Variants in PIWIL4 observed in about 807,000 individuals in gnomAD.
PIWIL4 encodes piwi like RNA-mediated gene silencing 4, also known as piwi-like protein 4.
A neutral mutation model predicts 100.9 loss-of-function variants in PIWIL4; 50 were observed. That is an observed-to-expected ratio of 0.50 (90% CI 0.39 to 0.63). The LOEUF is 0.63. Among genes scored for constraint, PIWIL4 ranks in the 20% least tolerant of loss-of-function variants. The probability of loss-of-function intolerance (pLI) is 0.00; values close to 1 mark genes in which losing one functional copy is unlikely to be tolerated. For synonymous variants in PIWIL4, 342 were observed against 367.5 expected, an observed-to-expected ratio of 0.93 and a Z score of 0.79; for missense variants, 887 against 1,043.3, an observed-to-expected ratio of 0.85 and a Z score of 2.06.
At chr11:94,607,916 C>T (rs560250627) in intron 14 of PIWIL4, among the ~76,000 whole-genome samples, 123 of 152,286 alleles carry the variant, frequency 8.1e-4, no homozygotes, top group African/African-American at 2.8e-3. Context: ...TCCACATTTA[C>T]TTGCTTTCAT....
At chr11:94,604,875 T>G (rs1948694545) in intron 13 of PIWIL4, among the ~76,000 whole-genome samples, 1 of 152,208 alleles carries the variant, frequency 6.6e-6, no homozygotes. Context: ...AGTTTCTCTT[T>G]TACTCTAAAG....
At chr11:94,595,474 T>C in intron 10 of PIWIL4, 48 bp downstream of exon 10, 1 of 1,398,248 alleles carries the variant, frequency 7.2e-7, no homozygotes, top group South Asian at 1.2e-5. Flanking sequence ...TTTTTAGTAT[T>C]AGATGGCCTA....
At chr11:94,594,402 G>A (rs1948526929) in intron 9 of PIWIL4, among the ~76,000 whole-genome samples, 1 of 151,322 alleles carries the variant, frequency 6.6e-6, no homozygotes, top group East Asian at 2.0e-4. Context: ...AGAGGCGGAG[G>A]TTGCAGTGAG....
chr11:94,575,238 T>A, intron 3 of PIWIL4, 108 bp downstream of exon 3: 1 of 1,159,918 alleles, frequency 8.6e-7, no homozygotes, highest in South Asian at 1.5e-5. Flanking sequence ...TTAACAGATA[T>A]TTACTGATTG....
At chr11:94,616,403 T>A in intron 15 of PIWIL4, 90 bp from the exon 16 acceptor site, 1 of 1,137,634 alleles carries the variant, frequency 8.8e-7, no homozygotes, top group Non-Finnish European at 1.2e-6. Flanking sequence ...TTTTTACTCA[T>A]AATCTCTGTT....
chr11:94,567,767 C>T, intron 1 of PIWIL4, 162 bp downstream of exon 1: 1 of 1,258,128 alleles, frequency 7.9e-7, no homozygotes, highest in Middle Eastern at 2.1e-4. Context: ...TAACAGTTTT[C>T]TCCTTCTAGG....
chr11:94,600,676 A>C (rs1948624265), intron 11 of PIWIL4, among the ~76,000 whole-genome samples: 2 of 152,164 alleles, frequency 1.3e-5, no homozygotes. Flanking sequence ...TTTATTAGGC[A>C]GGAATTTCCT....
At chr11:94,605,805 C>T (rs1948708879) in intron 13 of PIWIL4, among the ~76,000 whole-genome samples, 1 of 152,134 alleles carries the variant, frequency 6.6e-6, no homozygotes. Flanking sequence ...GTCCATTACT[C>T]TTATTATTTA....
chr11:94,574,507 T>C (rs1395679743), intron 2 of PIWIL4, among the ~76,000 whole-genome samples: 1 of 152,170 alleles, frequency 6.6e-6, no homozygotes, highest in Non-Finnish European at 1.5e-5. Flanking sequence ...TCAAGATCTG[T>C]TTTTGTTTTT....
Position 94,614,604 on chromosome 11 carries a change from C to T in PIWIL4, c.1944-1889C>T, listed in dbSNP as rs562709760. ...GGTTACAGGCATGAACCACTGCACC[C>T]GGTCAGTTCCTGATTTTTCATGTTT... is the stretch of plus-strand genomic sequence containing the variant. On this transcript the variant is annotated intron_variant, in intron 15 of 19. Coordinates refer to ENST00000299001, the MANE Select transcript of PIWIL4 (RefSeq NM_152431.3). 1.4e-4 allele frequency among the ~76,000 whole-genome samples: 21 copies of T among 152,116 alleles called. No individual in the cohort carries two copies. In the South Asian group the frequency reaches 2.1e-3, roughly 15 times the overall value.
At chr11:94,612,334 CAA>C (rs1948796981) in intron 15 of PIWIL4, among the ~76,000 whole-genome samples, 1 of 126,938 alleles carries the variant, frequency 7.9e-6, no homozygotes, top group African/African-American at 3.1e-5. Flanking sequence ...TTTTTTTTTA[CAA>C]AAGTCTATTT....
intron 2 of PIWIL4, among the ~76,000 whole-genome samples, chr11:94,574,431 G>C (rs1226721658): frequency 6.6e-6 from 1 of 152,216 alleles, no homozygotes; most frequent in Non-Finnish European, 1.5e-5. Flanking sequence ...GAAGGGAATG[G>C]GGAGGGAGGG....
chr11:94,608,454 C>A, intron 14 of PIWIL4, 129 bp from the exon 15 acceptor site: 1 of 689,762 alleles, frequency 1.4e-6, no homozygotes, highest in Non-Finnish European at 2.4e-6. Flanking sequence ...GGATCTCAAT[C>A]TCCCTTACAC....
At chr11:94,605,552 T>C (rs994540484) in intron 13 of PIWIL4, among the ~76,000 whole-genome samples, 1 of 152,244 alleles carries the variant, frequency 6.6e-6, no homozygotes, top group Non-Finnish European at 1.5e-5. Flanking sequence ...TGTGTACATA[T>C]GTAGATATTT....
intron 12 of PIWIL4, 25 bp from the exon 13 acceptor site, chr11:94,603,959 C>T: frequency 1.3e-6 from 2 of 1,500,860 alleles, no homozygotes; most frequent in South Asian, 2.3e-5. Context: ...AGTTACATAG[C>T]TTCAAAATTA....
rs548857384 is a variant in PIWIL4 at position 94,568,195 on chromosome 11, G to T, written c.88-535G>T. On this transcript the variant is annotated intron_variant, in intron 1 of 19. Transcript: ENST00000299001. ...CTTATGCCTTTATTCTCATGAAGTG[G>T]TCTTCTCTGGACTTTGTTCATTTTT... Among the ~76,000 whole-genome samples, 6 of 152,162 alleles carry T rather than the reference G, an allele frequency of 3.9e-5. No homozygotes were observed. The South Asian group carries it at 8.3e-4, about 21-fold the overall frequency.
At position 94,597,872 on chromosome 11, in the gene PIWIL4, G is replaced by C. The variant is rs772938792; in HGVS notation, c.1337G>C (p.Gly446Ala). Residue 446 changes from glycine (G) to alanine (A), a missense_variant, in exon 11 of 20, where the codon GGC becomes GCC. Gly to Ala is a moderately conservative substitution (Grantham distance 60). This residue lies in a region of PIWIL4 where 741 missense variants were observed against 930.0 expected (regional missense o/e 0.80). Transcript: ENST00000299001. Reference sequence around the variant, plus strand: ...TTTGGAAGCCAGATATCTCTGACTGGCCGGATTGTGCCTTCAGAAAAAATA... The same window carrying C: ...TTTGGAAGCCAGATATCTCTGACTGCCCGGATTGTGCCTTCAGAAAAAATA... ...LHFGSQISLT[G>A]RIVPSEKILM... The C allele has an allele frequency of 6.2e-7, 1 of 1,613,954 alleles. No homozygotes were observed. Among genetic ancestry groups the C allele is most frequent in the South Asian group, 1.1e-5 (1 of 91,086 alleles).
At chr11:94,613,347 T>G (rs907628035) in intron 15 of PIWIL4, among the ~76,000 whole-genome samples, 1 of 152,242 alleles carries the variant, frequency 6.6e-6, no homozygotes, top group Non-Finnish European at 1.5e-5. Flanking sequence ...AGGGTTCCTT[T>G]GTATGTAATA....
intron 3 of PIWIL4, among the ~76,000 whole-genome samples, chr11:94,576,996 G>A (rs1565270252): frequency 6.6e-6 from 1 of 152,186 alleles, no homozygotes; most frequent in Non-Finnish European, 1.5e-5. Context: ...TTTGAAAGGT[G>A]TCCTGGAATG....
Sources: gnomAD v4.1 joint callset for allele counts (sites outside exome capture counted in the v4.1 genomes callset) on GRCh38, gnomAD v4.1.1 for gene constraint, gnomAD v4.1.1 regional missense constraint, MANE v1.5 for transcripts, NCBI Gene and HGNC (gene_info 2026-07-23, HGNC 2026-07-21) for gene names.